PRXL2C: variants seen among roughly 807,000 people sequenced by gnomAD.
The protein encoded by PRXL2C is peroxiredoxin-like 2C.
PRXL2C carries 38 observed loss-of-function variants against 24.9 expected under a neutral mutation model. That is an observed-to-expected ratio of 1.53 (90% CI 1.18 to 2.00). The LOEUF is 2.00. Among genes scored for constraint, PRXL2C ranks in the 30% most tolerant of loss-of-function variants. The pLI is 0.00. For missense variants in PRXL2C, 294 were observed against 290.9 expected (o/e 1.01, Z -0.08); for synonymous variants, 98 against 117.2 (o/e 0.84, Z 1.06).
At position 96,641,180 on chromosome 9, in the gene PRXL2C, C is replaced by T. The variant is rs1848109529; in HGVS notation, c.*579G>A. ...CTGGCCCTACAATATTAATCATGCT[C>T]ATTATATAACAGTTGGGAAATACAG... On this transcript the variant is annotated 3_prime_UTR_variant, in exon 6 of 6. Coordinates refer to ENST00000375234, the MANE Select transcript of PRXL2C (RefSeq NM_153698.2). The T allele has an allele frequency of 6.6e-6, 1 of 152,072 alleles. No individual in the cohort carries two copies. Among genetic ancestry groups the T allele is most frequent in the Admixed American group, 6.6e-5 (1 of 15,250 alleles). 9.4% of individuals were successfully genotyped at this position (152,072 alleles called of 1,614,324 possible).
rs1848263444 is a variant in PRXL2C at position 96,651,413 on chromosome 9, C to G, written c.398G>C (p.Arg133Thr). The G allele has an allele frequency of 6.2e-7, 1 of 1,612,462 alleles. No individual in the cohort carries two copies. The highest frequency in any genetic ancestry group is 8.5e-7 in the Non-Finnish European group (1 of 1,179,536). The change falls in exon 4 of 6, where the codon AGA (arginine) becomes ACA (threonine). Residue 133 changes from arginine to threonine, a missense_variant. Physicochemically the swap from Arg to Thr is moderately conservative, Grantham distance 71 (BLOSUM62 -1). Transcript: ENST00000375234. ...ACCTGAGGAAGCAATTTCTTCACCT[C>G]TTTTCATTCCCAATCTTTTATAAAT... ...REIYKRLGMK[R>T]GEEIASSGQS...
chr9:96,649,555 ACT>A (rs1848241522), intron 4 of PRXL2C, among the ~76,000 whole-genome samples: 1 of 122,888 alleles, frequency 8.1e-6, no homozygotes, highest in Non-Finnish European at 1.5e-5. Context: ...CAAGAGTGAA[ACT>A]CTGTTTCAAA....
chr9:96,649,963 G>T (rs959508476), intron 4 of PRXL2C, among the ~76,000 whole-genome samples: 1 of 152,144 alleles, frequency 6.6e-6, no homozygotes, highest in South Asian at 2.1e-4. Flanking sequence ...TTCTGAAGGA[G>T]TCATGTTTTC....
chr9:96,644,881 CTTTTTTTTTTTTTTTT>C (rs530343244), intron 5 of PRXL2C, among the ~76,000 whole-genome samples: 64 of 36,698 alleles, frequency 1.7e-3, no homozygotes, highest in East Asian at 9.2e-3. Context: ...TACATGGATT[CTTTTTTTTTTTTTTTT>C]TTTTTTTTTT....
At chr9:96,651,792 T>C (rs1848270284) in intron 2 of PRXL2C, 80 bp from the exon 3 acceptor site, 3 of 1,244,376 alleles carry the variant, frequency 2.4e-6, no homozygotes, top group South Asian at 1.4e-5. Flanking sequence ...CCAACTCTTA[T>C]GTTTCATTCT....
intron 2 of PRXL2C, among the ~76,000 whole-genome samples, chr9:96,653,816 C>CT (rs1848309021): frequency 6.6e-6 from 1 of 151,564 alleles, no homozygotes; most frequent in Non-Finnish European, 1.5e-5. Flanking sequence ...CAAAGACATT[C>CT]TTTTTTAAAA....
At position 96,645,751 on chromosome 9, in the gene PRXL2C, T is replaced by G. The variant is rs563274507; in HGVS notation, c.553+142A>C. The G allele has an allele frequency of 6.2e-5, 56 of 901,964 alleles. No individual in the cohort carries two copies. The African/African-American group carries it at 9.0e-4, about 15-fold the overall frequency. 55.9% of individuals were successfully genotyped at this position (901,964 alleles called of 1,614,324 possible). ...GGCAGAGCTTGCAGTGAGCCGAGAT[T>G]GCGCCACTGCACTCCAGCCTTGGCG... On this transcript the variant is annotated intron_variant, in intron 5 of 5. Transcript: ENST00000375234.
At chr9:96,646,087 T>C (rs1209987253) in intron 4 of PRXL2C, 63 bp from the exon 5 acceptor site, 1 of 1,473,126 alleles carries the variant, frequency 6.8e-7, no homozygotes. Context: ...AAGAAGATAA[T>C]GTATTTCTAG....
chr9:96,649,542 C>T (rs978641059), intron 4 of PRXL2C, among the ~76,000 whole-genome samples: 3 of 138,018 alleles, frequency 2.2e-5, no homozygotes, highest in Non-Finnish European at 4.4e-5. Flanking sequence ...CTAGCCTAGA[C>T]AACAAGAGTG....
intron 5 of PRXL2C, among the ~76,000 whole-genome samples, chr9:96,644,881 CTTTTTTTTTTTTTTTTTTTTTT>C (rs530343244): frequency 1.1e-4 from 4 of 36,670 alleles, no homozygotes; most frequent in Admixed American, 5.0e-4. Flanking sequence ...TACATGGATT[CTTTTTTTTTTTTTTTTTTTTTT>C]TTTTTTTTTT....
At chr9:96,654,929 GC>G in intron 1 of PRXL2C, 156 bp from the exon 2 acceptor site, 2 of 1,181,022 alleles carry the variant, frequency 1.7e-6, no homozygotes, top group African/African-American at 3.3e-5. Flanking sequence ...AGCGGGCCTC[GC>G]CCTCGCCCTC....
rs1311186183 is a variant in PRXL2C, at chr9:96,651,483, G to C, written c.328C>G (p.Leu110Val). The change falls in exon 4 of 6, where the codon CTG becomes GTG. Residue 110 changes from leucine to valine, a missense_variant. Leu to Val is a conservative substitution (Grantham distance 32). Coordinates refer to ENST00000375234, the MANE Select transcript of PRXL2C (RefSeq NM_153698.2). ...SYHHIEPFCK[L>V]TGYSHEIYVD... is the part of the protein sequence containing the mutation. ...TAGATTTCATGAGAATATCCAGTCA[G>C]CTTGCAAAAAGGCTGAAAAGAGAGA... 2 of 1,609,612 alleles carry C rather than the reference G, an allele frequency of 1.2e-6. No homozygotes were observed. Among genetic ancestry groups the C allele is most frequent in the African/African-American group, 1.3e-5 (1 of 74,792 alleles).
At position 96,646,952 on chromosome 9, in the gene PRXL2C, G is replaced by A. The variant is rs138542099; in HGVS notation, c.422-928C>T. Among the ~76,000 whole-genome samples, 159 of 152,164 alleles carry A rather than the reference G, an allele frequency of 1.0e-3. 1 individual carries two copies. In the East Asian group the frequency reaches 0.019, roughly 18 times the overall value. On this transcript the variant is annotated intron_variant, in intron 4 of 5. Coordinates refer to ENST00000375234, the MANE Select transcript of PRXL2C (RefSeq NM_153698.2). ...ATTACAGGCATGTGCCACCACGCCCGGCTAGTTTTCTATTTTTAGTACAGA... is the reference window on the plus strand; with the variant it reads ...ATTACAGGCATGTGCCACCACGCCCAGCTAGTTTTCTATTTTTAGTACAGA...
chr9:96,650,636 A>C (rs1848253536), intron 4 of PRXL2C, among the ~76,000 whole-genome samples: 1 of 152,126 alleles, frequency 6.6e-6, no homozygotes, highest in Non-Finnish European at 1.5e-5. Context: ...CCTCAATTAA[A>C]GGAGATGGGA....
intron 2 of PRXL2C, among the ~76,000 whole-genome samples, chr9:96,653,199 C>G (rs1008661182): frequency 6.6e-6 from 1 of 151,318 alleles, no homozygotes; most frequent in Non-Finnish European, 1.5e-5. Flanking sequence ...TGCACTCCAG[C>G]CTGGGCGATA....
At chr9:96,642,597 G>A (rs1848134221) in intron 5 of PRXL2C, among the ~76,000 whole-genome samples, 1 of 150,246 alleles carries the variant, frequency 6.7e-6, no homozygotes, top group Non-Finnish European at 1.5e-5. Context: ...CCAGGCTGGA[G>A]TGCAGTGGCA....
chr9:96,655,000 G>A (rs1848332958), intron 1 of PRXL2C, 90 bp downstream of exon 1: 3 of 1,370,382 alleles, frequency 2.2e-6, no homozygotes, highest in Non-Finnish European at 2.8e-6. Context: ...TCCCGTTTCC[G>A]TCCTAAGAAG....
chr9:96,642,644 C>A (rs983226842), intron 5 of PRXL2C, among the ~76,000 whole-genome samples: 1 of 150,648 alleles, frequency 6.6e-6, no homozygotes, highest in African/African-American at 2.4e-5. Context: ...CTTCTGGGTT[C>A]AAGCGATTCT....
intron 1 of PRXL2C, 121 bp from the exon 2 acceptor site, chr9:96,654,894 C>G: frequency 1.7e-6 from 2 of 1,200,308 alleles, no homozygotes; most frequent in Non-Finnish European, 2.2e-6. Flanking sequence ...CCGGGACCGG[C>G]GGCTCGGGCG....
Sources: allele counts gnomAD v4.1 joint callset (sites outside exome capture counted in the v4.1 genomes callset), GRCh38; gene constraint gnomAD v4.1.1; transcripts MANE v1.5; gene names NCBI Gene and HGNC (gene_info 2026-07-23, HGNC 2026-07-21).